Variants in KCNU1 observed in about 807,000 individuals in gnomAD.
The protein encoded by KCNU1 is potassium calcium-activated channel subfamily U member 1, also known as potassium channel subfamily U member 1.
In KCNU1, 93 loss-of-function variants were observed where a neutral mutation model predicts 126.8. The observed-to-expected ratio is 0.73, with a 90% CI of 0.62 to 0.87. The LOEUF is 0.87. Among genes scored for constraint, KCNU1 ranks in the 40% least tolerant of loss-of-function variants. The pLI, the probability that KCNU1 is intolerant of heterozygous loss-of-function variation, is 0.00. For missense variants in KCNU1, 1,330 were observed against 1,367.1 expected (o/e 0.97, Z 0.43); for synonymous variants, 523 against 494.2 (o/e 1.06, Z -0.77).
intron 22 of KCNU1, among the ~76,000 whole-genome samples, chr8:36,918,398 A>AT (rs1563335725): frequency 2.0e-5 from 3 of 152,016 alleles, no homozygotes; most frequent in African/African-American, 7.2e-5. Flanking sequence ...AATAAAAAAA[A>AT]AAATAAATTA....
At chr8:36,857,199 G>A (rs766824424) in intron 18 of KCNU1, among the ~76,000 whole-genome samples, 12 of 152,228 alleles carry the variant, frequency 7.9e-5, no homozygotes, top group Non-Finnish European at 1.5e-4. Flanking sequence ...TGAAACCTCT[G>A]CCTTGGGGGT....
At chr8:36,923,095 A>T (rs1808420459) in intron 24 of KCNU1, 3 of 455,948 alleles carry the variant, frequency 6.6e-6, no homozygotes, top group South Asian at 3.1e-5. Flanking sequence ...TCCTCCTCTC[A>T]TGGGGGGCAT....
At chr8:36,815,461 C>G (rs1803873043) in intron 8 of KCNU1, 135 bp from the exon 9 acceptor site, 1 of 486,978 alleles carries the variant, frequency 2.1e-6, no homozygotes, top group African/African-American at 2.0e-5. Flanking sequence ...AAACGAGGTC[C>G]CTTTAACATG....
intron 16 of KCNU1, among the ~76,000 whole-genome samples, chr8:36,844,041 A>G (rs1563290355): frequency 6.6e-6 from 1 of 152,182 alleles, no homozygotes; most frequent in Non-Finnish European, 1.5e-5. Flanking sequence ...CTTCATAGCT[A>G]GATATTTAAT....
chr8:36,932,389 G>A (rs183152924), intron 25 of KCNU1, among the ~76,000 whole-genome samples: 2 of 152,202 alleles, frequency 1.3e-5, no homozygotes, highest in Admixed American at 1.3e-4. Flanking sequence ...TTACAGAACT[G>A]TATGGATTGA....
intron 19 of KCNU1, among the ~76,000 whole-genome samples, chr8:36,877,461 C>T (rs548551503): frequency 3.0e-4 from 46 of 152,134 alleles, no homozygotes; most frequent in African/African-American, 1.1e-3. Context: ...CACCACCACA[C>T]CCAGCTGATT....
chr8:36,869,664 T>G (rs1326169330), intron 19 of KCNU1, among the ~76,000 whole-genome samples: 3 of 152,156 alleles, frequency 2.0e-5, no homozygotes, highest in Non-Finnish European at 4.4e-5. Flanking sequence ...TTTTCTCATC[T>G]GTAAAATGAG....
At chr8:36,910,728 T>C (rs973308667) in intron 21 of KCNU1, among the ~76,000 whole-genome samples, 1 of 152,204 alleles carries the variant, frequency 6.6e-6, no homozygotes, top group Non-Finnish European at 1.5e-5. Context: ...AAAGAATCTA[T>C]GAAATGTATT....
Position 36,833,614 on chromosome 8 carries a change from C to T in KCNU1, c.1167C>T (p.Phe389=), listed in dbSNP as rs760344847. The T allele has an allele frequency of 6.2e-7, 1 of 1,612,430 alleles. No individual in the cohort carries two copies. Among genetic ancestry groups the T allele is most frequent in the Middle Eastern group, 1.7e-4 (1 of 6,054 alleles). ...AATGCTACTTGGCCTACACAACGTT[C>T]ATTTCTGGATCTGCAATGAAGTGGG... ...IFKCYLAYTT[F]ISGSAMKWED... Residue 389 remains phenylalanine (F), a synonymous_variant, in exon 11 of 27, where the codon TTC becomes TTT. Coordinates refer to ENST00000399881, the MANE Select transcript of KCNU1 (RefSeq NM_001031836.3).
intron 18 of KCNU1, 93 bp from the exon 19 acceptor site, chr8:36,864,311 C>A (rs1452650716): frequency 1.3e-6 from 1 of 799,546 alleles, no homozygotes; most frequent in Admixed American, 1.8e-5. Context: ...TTTCCCTAGT[C>A]AAGGGTCTAT....
At chr8:36,855,499 C>T (rs915018856) in intron 18 of KCNU1, among the ~76,000 whole-genome samples, 2 of 152,122 alleles carry the variant, frequency 1.3e-5, no homozygotes, top group African/African-American at 4.8e-5. Context: ...GCTGTACTCC[C>T]TCTAGTGCCA....
chr8:36,880,040 T>G (rs557704240), intron 19 of KCNU1, among the ~76,000 whole-genome samples: 1 of 152,272 alleles, frequency 6.6e-6, no homozygotes, highest in African/African-American at 2.4e-5. Flanking sequence ...TACAGAAGCT[T>G]GGGAAAAGGT....
intron 19 of KCNU1, among the ~76,000 whole-genome samples, chr8:36,879,822 T>C (rs965183783): frequency 1.3e-5 from 2 of 152,224 alleles, no homozygotes; most frequent in African/African-American, 4.8e-5. Context: ...AAGGCCTGCC[T>C]CGAGTGGGCA....
intron 16 of KCNU1, among the ~76,000 whole-genome samples, chr8:36,844,375 C>G (rs1274727908): frequency 6.9e-6 from 1 of 144,756 alleles, no homozygotes; most frequent in Non-Finnish European, 1.5e-5. Context: ...AGTGAAACTC[C>G]GTCTCAAAAA....
intron 19 of KCNU1, among the ~76,000 whole-genome samples, chr8:36,899,351 T>C (rs755664386): frequency 2.6e-5 from 4 of 152,016 alleles, no homozygotes; most frequent in African/African-American, 7.2e-5. Flanking sequence ...GCCATGAGTT[T>C]GACAGAGCCC....
chr8:36,875,080 T>C (rs575794512), intron 19 of KCNU1, among the ~76,000 whole-genome samples: 2 of 152,046 alleles, frequency 1.3e-5, no homozygotes, highest in Non-Finnish European at 2.9e-5. Context: ...AAAAAGCTAG[T>C]TAAAAAAAAT....
chr8:36,789,383 A>G (rs1336564273), intron 2 of KCNU1, among the ~76,000 whole-genome samples: 1 of 151,962 alleles, frequency 6.6e-6, no homozygotes, highest in Non-Finnish European at 1.5e-5. Flanking sequence ...ACACTCTAGC[A>G]TGGAAAGGCA....
intron 18 of KCNU1, among the ~76,000 whole-genome samples, chr8:36,860,005 G>A (rs1049354413): frequency 1.3e-5 from 2 of 151,842 alleles, no homozygotes; most frequent in Non-Finnish European, 2.9e-5. Context: ...TATTTTTTTT[G>A]ATCAATGAAA....
At chr8:36,933,609 A>G (rs866012242) in intron 26 of KCNU1, among the ~76,000 whole-genome samples, 3 of 152,138 alleles carry the variant, frequency 2.0e-5, no homozygotes, top group Non-Finnish European at 4.4e-5. Context: ...GCCCAGACTA[A>G]GATCCTCACA....
Sources: allele counts gnomAD v4.1 joint callset (sites outside exome capture counted in the v4.1 genomes callset), GRCh38; gene constraint gnomAD v4.1.1; transcripts MANE v1.5; gene names NCBI Gene and HGNC (gene_info 2026-07-23, HGNC 2026-07-21).